RARB: variants seen among roughly 807,000 people sequenced by gnomAD.
RARB encodes the protein retinoic acid receptor beta.
RARB carries 17 observed loss-of-function variants against 51.9 expected under a neutral mutation model. The ratio of observed to expected loss-of-function variants is 0.33; its 90% CI spans 0.22 to 0.49. RARB has a LOEUF of 0.49. Among genes scored for constraint, RARB ranks in the 20% least tolerant of loss-of-function variants. RARB has a pLI of 0.99. For missense variants in RARB, 369 were observed against 550.8 expected (o/e 0.67, Z 3.30); for synonymous variants, 215 against 195.4 (o/e 1.10, Z -0.84).
chr3:24,981,046 T>A (rs1696655406), intron 2 of RARB, among the ~76,000 whole-genome samples: 1 of 152,136 alleles, frequency 6.6e-6, no homozygotes, highest in Admixed American at 6.5e-5. Flanking sequence ...TCTGCTGGAG[T>A]TTGCTAGAGG....
intron 2 of RARB, among the ~76,000 whole-genome samples, chr3:24,949,427 G>A (rs1180990279): frequency 6.6e-6 from 1 of 152,112 alleles, no homozygotes; most frequent in Non-Finnish European, 1.5e-5. Flanking sequence ...CGGTAAAATC[G>A]AAGATCAAAT....
chr3:25,484,870 AAC>A (rs147388130), intron 2 of RARB, among the ~76,000 whole-genome samples: 19 of 152,294 alleles, frequency 1.2e-4, no homozygotes, highest in African/African-American at 4.3e-4. Flanking sequence ...TATTTATGGA[AAC>A]ACACGAATGC....
At chr3:24,989,029 T>A (rs748291862) in intron 2 of RARB, among the ~76,000 whole-genome samples, 2 of 152,196 alleles carry the variant, frequency 1.3e-5, no homozygotes, top group Non-Finnish European at 2.9e-5. Flanking sequence ...TTTCACCACG[T>A]TGGCCAGGCT....
At chr3:24,868,622 C>T (rs1022413425) in intron 2 of RARB, among the ~76,000 whole-genome samples, 1 of 152,094 alleles carries the variant, frequency 6.6e-6, no homozygotes, top group Non-Finnish European at 1.5e-5. Context: ...ATCCTCTTCC[C>T]TTTTGGAATT....
At chr3:25,195,376 T>C (rs985176731) in intron 5 of RARB, among the ~76,000 whole-genome samples, 3 of 152,026 alleles carry the variant, frequency 2.0e-5, no homozygotes, top group Non-Finnish European at 2.9e-5. Flanking sequence ...AGAATAGATA[T>C]TTGATGACAT....
At chr3:24,904,661 G>C (rs1575063960) in intron 2 of RARB, among the ~76,000 whole-genome samples, 1 of 152,054 alleles carries the variant, frequency 6.6e-6, no homozygotes, top group South Asian at 2.1e-4. Context: ...CCCATTCCTG[G>C]GTATATACCC....
At chr3:25,492,452 G>C (rs1471631028) in intron 2 of RARB, among the ~76,000 whole-genome samples, 2 of 152,178 alleles carry the variant, frequency 1.3e-5, no homozygotes, top group African/African-American at 2.4e-5. Context: ...GGACATCATA[G>C]ACTTTGGAAG....
chr3:25,468,751 C>A (rs1302238127), intron 2 of RARB, among the ~76,000 whole-genome samples: 1 of 152,152 alleles, frequency 6.6e-6, no homozygotes, highest in African/African-American at 2.4e-5. Flanking sequence ...AAAAAGGAAG[C>A]GCTTACAAGG....
chr3:25,501,881 A>T (rs1419068124), intron 3 of RARB, among the ~76,000 whole-genome samples: 2 of 152,240 alleles, frequency 1.3e-5, no homozygotes, highest in African/African-American at 4.8e-5. Flanking sequence ...AAGATATTTT[A>T]AAAATACATT....
At chr3:25,265,186 G>T (rs905768874) in intron 5 of RARB, among the ~76,000 whole-genome samples, 1 of 152,084 alleles carries the variant, frequency 6.6e-6, no homozygotes, top group African/African-American at 2.4e-5. Flanking sequence ...TAATAGCTTT[G>T]TATTCTGTGG....
intron 3 of RARB, among the ~76,000 whole-genome samples, chr3:25,071,031 G>C (rs1317390722): frequency 6.6e-6 from 1 of 152,148 alleles, no homozygotes; most frequent in Non-Finnish European, 1.5e-5. Flanking sequence ...TCTGAGTCTT[G>C]AGTGCCACAA....
chr3:25,044,122 A>C (rs986124875), intron 2 of RARB, among the ~76,000 whole-genome samples: 1 of 152,204 alleles, frequency 6.6e-6, no homozygotes, highest in Non-Finnish European at 1.5e-5. Flanking sequence ...GAAGAATTTT[A>C]AACAGCAAAA....
At chr3:24,933,010 T>C (rs1695473040) in intron 2 of RARB, among the ~76,000 whole-genome samples, 1 of 152,104 alleles carries the variant, frequency 6.6e-6, no homozygotes. Flanking sequence ...TTTCAGAAAA[T>C]TTAAATAAAA....
At chr3:25,052,757 C>T (rs985428225) in intron 2 of RARB, among the ~76,000 whole-genome samples, 1 of 152,110 alleles carries the variant, frequency 6.6e-6, no homozygotes, top group Non-Finnish European at 1.5e-5. Context: ...CTAAAGCATT[C>T]TTCCCTTACA....
rs141238000 is a variant in RARB, at chr3:24,926,282, G to A, written c.-380+67530G>A. On this transcript the variant is annotated intron_variant, in intron 2 of 11. Transcript: ENST00000383772. ...TGAGATAAATTGCGGTGGAGAGTGT[G>A]TAAAATTGAAGCCTACTTTTAAAAA... is the stretch of plus-strand genomic sequence containing the variant. Among the ~76,000 whole-genome samples the A allele has an allele frequency of 2.6e-3, 399 of 151,658 alleles. 8 individuals are homozygous for A. Among genetic ancestry groups the A allele is most frequent in the Non-Finnish European group, 7.2e-4 (49 of 67,766 alleles).
intron 5 of RARB, among the ~76,000 whole-genome samples, chr3:25,291,539 G>A (rs1703788513): frequency 6.8e-6 from 1 of 146,020 alleles, no homozygotes; most frequent in African/African-American, 2.5e-5. Flanking sequence ...CAGCAGTTCA[G>A]CCTCAGAGGA....
chr3:24,953,674 C>T (rs1187551519), intron 2 of RARB, among the ~76,000 whole-genome samples: 1 of 152,158 alleles, frequency 6.6e-6, no homozygotes. Flanking sequence ...CAGAAGAGGC[C>T]TTTGTGCCTA....
At chr3:25,027,402 C>T (rs570866756) in intron 2 of RARB, among the ~76,000 whole-genome samples, 6 of 152,262 alleles carry the variant, frequency 3.9e-5, no homozygotes, top group Non-Finnish European at 8.8e-5. Context: ...CAGTTTCCTT[C>T]TCTCTAAAAT....
chr3:25,287,125 C>T (rs1404633675), intron 5 of RARB, among the ~76,000 whole-genome samples: 2 of 152,192 alleles, frequency 1.3e-5, no homozygotes, highest in Non-Finnish European at 2.9e-5. Context: ...TCTAGTGATA[C>T]AGGTTTTATA....
Sources: allele counts gnomAD v4.1 joint callset (sites outside exome capture counted in the v4.1 genomes callset), GRCh38; gene constraint gnomAD v4.1.1; transcripts MANE v1.5; gene names NCBI Gene and HGNC (gene_info 2026-07-23, HGNC 2026-07-21).